The following MACROD2 variants were observed in gnomAD, a reference collection of about 807,000 sequenced individuals.
MACROD2 encodes the protein ADP-ribose glycohydrolase MACROD2.
MACROD2 carries 36 observed loss-of-function variants against 70.4 expected under a neutral mutation model. That is an observed-to-expected ratio of 0.51 (90% CI 0.39 to 0.68). The LOEUF (loss-of-function observed/expected upper bound fraction) is 0.68. MACROD2 is among the 30% of genes least tolerant of loss of function. MACROD2 has a pLI of 0.00. For synonymous variants in MACROD2, 172 were observed against 178.8 expected (o/e 0.96, Z 0.30); for missense variants, 496 against 538.4 (o/e 0.92, Z 0.78).
At chr20:15,589,982 G>A (rs1401237441) in intron 8 of MACROD2, among the ~76,000 whole-genome samples, 1 of 152,084 alleles carries the variant, frequency 6.6e-6, no homozygotes, top group Non-Finnish European at 1.5e-5. Flanking sequence ...AACATCAACA[G>A]TTATTCAAAC....
chr20:15,729,350 A>G (rs1383309293), intron 8 of MACROD2, among the ~76,000 whole-genome samples: 3 of 152,222 alleles, frequency 2.0e-5, no homozygotes, highest in East Asian at 3.8e-4. Flanking sequence ...GATTAGAAGA[A>G]TGCATATTCT....
At chr20:14,330,877 A>T (rs527733828) in intron 3 of MACROD2, among the ~76,000 whole-genome samples, 305 of 152,258 alleles carry the variant, frequency 2.0e-3, no homozygotes, top group African/African-American at 6.7e-3. Context: ...TTATAATTAC[A>T]AAGTTACTTT....
At chr20:14,941,792 TC>T (rs1414503911) in intron 5 of MACROD2, among the ~76,000 whole-genome samples, 2 of 151,794 alleles carry the variant, frequency 1.3e-5, no homozygotes, top group African/African-American at 4.8e-5. Flanking sequence ...CTTTTTTTTT[TC>T]TTTTTTGTTT....
At chr20:14,421,679 T>A (rs1398701729) in intron 3 of MACROD2, among the ~76,000 whole-genome samples, 3 of 152,178 alleles carry the variant, frequency 2.0e-5, no homozygotes, top group Non-Finnish European at 4.4e-5. Flanking sequence ...TAAGACTGCA[T>A]AGTTTAATTT....
chr20:14,794,905 G>T (rs965584955), intron 5 of MACROD2, among the ~76,000 whole-genome samples: 1 of 152,040 alleles, frequency 6.6e-6, no homozygotes, highest in African/African-American at 2.4e-5. Context: ...TGGGGAGTGT[G>T]TTTGTATAAG....
chr20:15,937,167 A>T (rs182059512), intron 11 of MACROD2, among the ~76,000 whole-genome samples: 10 of 152,336 alleles, frequency 6.6e-5, no homozygotes, highest in Admixed American at 2.6e-4. Context: ...AAGAAAAATA[A>T]TATACCATCC....
chr20:15,250,497 T>C (rs1349264112), intron 6 of MACROD2, among the ~76,000 whole-genome samples: 1 of 152,188 alleles, frequency 6.6e-6, no homozygotes, highest in Non-Finnish European at 1.5e-5. Flanking sequence ...AGATGGGATA[T>C]AGATTCTTGA....
rs139093229 is a variant in MACROD2, at chr20:15,213,545, A to C, written c.419-16395A>C. Among the ~76,000 whole-genome samples, 552 of 152,134 alleles carry C rather than the reference A, an allele frequency of 3.6e-3. 8 individuals are homozygous for C. Among genetic ancestry groups the C allele is most frequent in the Admixed American group, 0.032 (492 of 15,282 alleles). On this transcript the variant is annotated intron_variant, in intron 5 of 17. Coordinates refer to ENST00000684519, the MANE Select transcript of MACROD2 (RefSeq NM_001351661.2). ...AAGAACTGTGACAGAGATTGAGTTT[A>C]TGCTGGGTGCAGGGAAACATGGAGT... is the stretch of plus-strand genomic sequence containing the variant.
intron 4 of MACROD2, among the ~76,000 whole-genome samples, chr20:14,536,779 C>A (rs1429239623): frequency 6.6e-6 from 1 of 151,948 alleles, no homozygotes; most frequent in Non-Finnish European, 1.5e-5. Context: ...TTTGTGAAAC[C>A]TTATTGGGAA....
chr20:15,123,976 T>G (rs898694284), intron 5 of MACROD2, among the ~76,000 whole-genome samples: 1 of 152,136 alleles, frequency 6.6e-6, no homozygotes, highest in Non-Finnish European at 1.5e-5. Flanking sequence ...GCTTTTCACA[T>G]CTGAAACGTA....
intron 5 of MACROD2, among the ~76,000 whole-genome samples, chr20:15,179,896 G>T (rs999956288): frequency 1.3e-5 from 2 of 152,148 alleles, no homozygotes; most frequent in African/African-American, 4.8e-5. Context: ...AGACCAGATG[G>T]CTTAAACAAT....
At chr20:14,454,610 G>T (rs1218764667) in intron 3 of MACROD2, among the ~76,000 whole-genome samples, 1 of 151,278 alleles carries the variant, frequency 6.6e-6, no homozygotes, top group African/African-American at 2.4e-5. Flanking sequence ...TTTTCTCTTT[G>T]TTCTATCATC....
chr20:15,750,191 G>A (rs990514483), intron 8 of MACROD2, among the ~76,000 whole-genome samples: 1 of 151,902 alleles, frequency 6.6e-6, no homozygotes, highest in Non-Finnish European at 1.5e-5. Flanking sequence ...GGCAAAAGAC[G>A]TTAATAGACA....
intron 5 of MACROD2, among the ~76,000 whole-genome samples, chr20:15,047,969 A>G (rs2075408169): frequency 6.6e-6 from 1 of 152,212 alleles, no homozygotes; most frequent in South Asian, 2.1e-4. Flanking sequence ...AGAAATACAT[A>G]ATTTTTTTAA....
intron 7 of MACROD2, among the ~76,000 whole-genome samples, chr20:15,475,021 A>AT (rs1555825985): frequency 1.1e-4 from 17 of 152,152 alleles, no homozygotes; most frequent in South Asian, 2.1e-4. Context: ...TCAGAAAAAA[A>AT]AAATAAATAA....
chr20:15,461,006 A>ATATATATATATATATATTTTT lies in MACROD2; in HGVS notation c.571+29572_571+29573insATATATATATATATATTTTTT. 1.1e-3 allele frequency among the ~76,000 whole-genome samples: 74 copies of ATATATATATATATATATTTTT among 66,954 alleles called. 1 individual carries two copies. The highest frequency in any genetic ancestry group is 1.5e-3 in the Non-Finnish European group (46 of 30,420). 43.9% of individuals were successfully genotyped at this position (66,954 alleles called of 152,430 possible). On this transcript the variant is annotated intron_variant, in intron 7 of 17. Transcript: ENST00000684519. The stretch of plus-strand genomic sequence containing the variant: ...TATATATATATATATATATATATAT[A>ATATATATATATATATATTTTT]TTTTTTTTTAATAGATGGGGTCTTG...
chr20:15,706,378 G>A (rs1371567954), intron 8 of MACROD2, among the ~76,000 whole-genome samples: 4 of 152,192 alleles, frequency 2.6e-5, no homozygotes, highest in Non-Finnish European at 5.9e-5. Context: ...GGAAAGTGAT[G>A]GGGTGAGGGA....
At chr20:15,639,709 TCCTTCCTGG>T (rs2049425511) in intron 8 of MACROD2, among the ~76,000 whole-genome samples, 1 of 152,196 alleles carries the variant, frequency 6.6e-6, no homozygotes, top group African/African-American at 2.4e-5. Context: ...AGAGGTGATG[TCCTTCCTGG>T]CCTTCAGCCA....
At chr20:16,008,721 T>C (rs963835273) in intron 15 of MACROD2, among the ~76,000 whole-genome samples, 1 of 152,204 alleles carries the variant, frequency 6.6e-6, no homozygotes, top group Non-Finnish European at 1.5e-5. Context: ...TCAATATTAA[T>C]TATTGTGGTT....
Sources: allele counts gnomAD v4.1 joint callset (sites outside exome capture counted in the v4.1 genomes callset), GRCh38; gene constraint gnomAD v4.1.1; transcripts MANE v1.5; gene names NCBI Gene and HGNC (gene_info 2026-07-23, HGNC 2026-07-21).